GREB1: variants seen among roughly 807,000 people sequenced by gnomAD.
GREB1 encodes the protein growth regulating estrogen receptor binding 1.
Under a neutral mutation model 200.7 loss-of-function variants are expected in GREB1, and 106 were observed. That is an observed-to-expected ratio of 0.53 (90% confidence interval 0.45 to 0.62). The LOEUF (loss-of-function observed/expected upper bound fraction) is 0.62. GREB1 is among the 20% of genes least tolerant of loss of function. The pLI is 0.00. For missense variants in GREB1, 2,243 were observed against 2,556.8 expected, an observed-to-expected ratio of 0.88 and a Z score of 2.65; for synonymous variants, 1,132 against 1,092.4, an observed-to-expected ratio of 1.04 and a Z score of -0.72.
chr2:11,549,755 C>T (rs558212177), intron 1 of GREB1, among the ~76,000 whole-genome samples: 1 of 152,330 alleles, frequency 6.6e-6, no homozygotes, highest in African/African-American at 2.4e-5. Context: ...GATACATCAT[C>T]CCTCTGAAGA....
intron 1 of GREB1, among the ~76,000 whole-genome samples, chr2:11,552,868 G>C (rs1177561464): frequency 6.6e-6 from 1 of 151,956 alleles, no homozygotes; most frequent in Admixed American, 6.5e-5. Context: ...AAATTAGCCG[G>C]GCATGGTGGC....
Position 11,619,018 on chromosome 2 carries a change from A to G in GREB1, c.4044+99A>G, listed in dbSNP as rs1258629466. 57 of 1,142,344 alleles carry G rather than the reference A, an allele frequency of 5.0e-5. No homozygotes were observed. In the Admixed American group the frequency reaches 1.2e-3, roughly 24 times the overall value. The allele number at this position is 1,142,344 out of a possible 1,614,324, so 70.8% of individuals were successfully genotyped here. A position where few individuals can be genotyped will look rare whatever the true frequency, so the allele number is the denominator to read the frequency against. ...TGGGGGTGACCGCACCCACGTCTTC[A>G]CTTTTCACCCTTCCCGTGGTGGAAT... On this transcript the variant is annotated intron_variant, in intron 22 of 32. Coordinates refer to ENST00000381486, the MANE Select transcript of GREB1 (RefSeq NM_014668.4).
At chr2:11,511,879 C>T (rs1057452628) in intron 1 of GREB1, among the ~76,000 whole-genome samples, 10 of 152,120 alleles carry the variant, frequency 6.6e-5, no homozygotes, top group African/African-American at 2.4e-4. Flanking sequence ...GGATGCCTGG[C>T]CCAGCGCTGG....
intron 10 of GREB1, among the ~76,000 whole-genome samples, chr2:11,592,563 G>GA (rs112512855): frequency 0.055 from 8,310 of 152,050 alleles, 729 homozygotes; most frequent in African/African-American, 0.19. Flanking sequence ...CTTTCATATG[G>GA]AAAAAAAGAC....
In GREB1 at chr2:11,620,962, C is replaced by T. The variant is rs374164405; in HGVS notation, c.4102C>T (p.Arg1368Trp). ...CAGTGTCCTGTCCAGGATGCTTGTTCGGCTCACAGAAGTGGATGTCTATGA... is the reference window on the plus strand; with the variant it reads ...CAGTGTCCTGTCCAGGATGCTTGTTTGGCTCACAGAAGTGGATGTCTATGA... ...FLSVLSRMLV[R>W]LTEVDVYDEE... Residue 1368 changes from arginine to tryptophan, a missense_variant, in exon 23 of 33, where the codon CGG becomes TGG. Arg to Trp is a moderately radical substitution (Grantham distance 101). Coordinates refer to ENST00000381486, the MANE Select transcript of GREB1 (RefSeq NM_014668.4). The T allele has an allele frequency of 5.6e-6, 9 of 1,612,626 alleles. No homozygotes were observed. Among genetic ancestry groups the T allele is most frequent in the East Asian group, 2.2e-5 (1 of 44,892 alleles).
At position 11,567,606 on chromosome 2, in the gene GREB1, C is replaced by A. The variant is rs555110484; in HGVS notation, c.454+950C>A. Among the ~76,000 whole-genome samples the A allele has an allele frequency of 1.2e-3, 178 of 152,288 alleles. 1 individual carries two copies. The highest frequency in any genetic ancestry group is 3.8e-3 in the African/African-American group (160 of 41,568). ...TGTGGTCAAGGTCAAGGTGGGGGAG[C>A]CACCGTTTTCCCTTCCAGCCACCGG... On this transcript the variant is annotated intron_variant, in intron 4 of 32. Transcript: ENST00000381486.
chr2:11,537,631 CAT>C (rs1674351878), intron 1 of GREB1, among the ~76,000 whole-genome samples: 2 of 146,836 alleles, frequency 1.4e-5, no homozygotes, highest in African/African-American at 2.5e-5. Flanking sequence ...ACTATTTTAA[CAT>C]GTTATAAGTT....
intron 17 of GREB1, among the ~76,000 whole-genome samples, chr2:11,607,595 T>TATATACATAGATAC (rs1553373777): frequency 1.5e-5 from 2 of 136,476 alleles, no homozygotes; most frequent in Non-Finnish European, 3.1e-5. Context: ...CATATATACA[T>TATATACATAGATAC]ATATATACAT....
chr2:11,508,406 A>C (rs1673242637), intron 1 of GREB1, among the ~76,000 whole-genome samples: 1 of 152,242 alleles, frequency 6.6e-6, no homozygotes, highest in Non-Finnish European at 1.5e-5. Context: ...TTTTCCAACA[A>C]AGAACAGCGC....
intron 15 of GREB1, 47 bp from the exon 16 acceptor site, chr2:11,600,752 TA>T: frequency 6.6e-7 from 1 of 1,506,838 alleles, no homozygotes; most frequent in Non-Finnish European, 9.2e-7. Context: ...CTTGCAAAAT[TA>T]GAAAACAATA....
chr2:11,551,768 T>C (rs1675868534), intron 1 of GREB1, among the ~76,000 whole-genome samples: 1 of 152,176 alleles, frequency 6.6e-6, no homozygotes, highest in Non-Finnish European at 1.5e-5. Context: ...TTCCCGGTCA[T>C]GGAACCAAGA....
At chr2:11,525,855 A>G (rs1041400078) in intron 1 of GREB1, among the ~76,000 whole-genome samples, 2 of 152,150 alleles carry the variant, frequency 1.3e-5, no homozygotes, top group African/African-American at 4.8e-5. Context: ...CTGGACTCTC[A>G]GCATCATTGC....
chr2:11,488,429 C>T (rs1048752355), intron 1 of GREB1, among the ~76,000 whole-genome samples: 3 of 152,154 alleles, frequency 2.0e-5, no homozygotes, highest in Admixed American at 6.5e-5. Flanking sequence ...ATGATACTGG[C>T]TGTGGAAGGA....
In GREB1 at chr2:11,534,256, T is replaced by G. The variant is rs1013551194; in HGVS notation, c.-162+2T>G. On this transcript the variant is annotated splice_donor_variant, in intron 1 of 32. Coordinates refer to ENST00000381486, the MANE Select transcript of GREB1 (RefSeq NM_014668.4). LOFTEE classifies it low-confidence loss of function (5UTR_SPLICE). ...TTTTAACACGTGTGGTGACTGGAGG[T>G]AGGTGGTAGGTGCTTGAGGCTGGTG... is the stretch of plus-strand genomic sequence containing the variant. The G allele has an allele frequency of 7.2e-5, 11 of 151,974 alleles. No individual in the cohort carries two copies. Among genetic ancestry groups the G allele is most frequent in the Non-Finnish European group, 1.3e-4 (9 of 67,994 alleles). 9.4% of individuals were successfully genotyped at this position (151,974 alleles called of 1,614,324 possible). A position where few individuals can be genotyped will look rare whatever the true frequency, so the allele number is the denominator to read the frequency against.
At chr2:11,503,362 T>C (rs1673098786) in intron 1 of GREB1, among the ~76,000 whole-genome samples, 1 of 152,202 alleles carries the variant, frequency 6.6e-6, no homozygotes, top group Non-Finnish European at 1.5e-5. Context: ...ATGTAGTTCA[T>C]TTTAGCTAAT....
At position 11,562,508 on chromosome 2, in the gene GREB1, G is replaced by T; in HGVS notation, c.203G>T (p.Gly68Val). The T allele has an allele frequency of 6.2e-7, 1 of 1,607,842 alleles. No homozygotes were observed. Among genetic ancestry groups the T allele is most frequent in the Admixed American group, 1.7e-5 (1 of 59,242 alleles). The change falls in exon 3 of 33, where the codon GGA becomes GTA. Residue 68 changes from glycine to valine, a missense_variant. Coordinates refer to ENST00000381486, the MANE Select transcript of GREB1 (RefSeq NM_014668.4). ...DNEEEEEEGE[G>V]GLETNGPPNP... is the part of the protein sequence containing the mutation. ...GAGGAAGAGGAAGAAGAGGGAGAAGGAGGGCTGGAAACAAATGGCCCCCCA... is the reference window on the plus strand; with the variant it reads ...GAGGAAGAGGAAGAAGAGGGAGAAGTAGGGCTGGAAACAAATGGCCCCCCA...
At chr2:11,632,522 G>A (rs185677503) in intron 27 of GREB1, among the ~76,000 whole-genome samples, 122 of 152,074 alleles carry the variant, frequency 8.0e-4, no homozygotes, top group African/African-American at 2.9e-3. Flanking sequence ...TGTTTTTGTA[G>A]AGACGGGGTT....
At chr2:11,551,752 G>A (rs1198417481) in intron 1 of GREB1, among the ~76,000 whole-genome samples, 1 of 152,268 alleles carries the variant, frequency 6.6e-6, no homozygotes, top group Non-Finnish European at 1.5e-5. Flanking sequence ...CGCAGCCCGG[G>A]TTCGATTCCC....
intron 9 of GREB1, 92 bp downstream of exon 9, chr2:11,585,997 C>A: frequency 7.5e-7 from 1 of 1,337,726 alleles, no homozygotes; most frequent in Non-Finnish European, 1.1e-6. Flanking sequence ...CCCGGTCTGA[C>A]TCCAAGGGTA....
Sources: gnomAD v4.1 joint callset for allele counts (sites outside exome capture counted in the v4.1 genomes callset) on GRCh38, gnomAD v4.1.1 for gene constraint, MANE v1.5 for transcripts, NCBI Gene and HGNC (gene_info 2026-07-23, HGNC 2026-07-21) for gene names.